Variants in ACADM observed in about 807,000 individuals in gnomAD.
ACADM encodes the protein acyl-CoA dehydrogenase medium chain, also known as medium-chain specific acyl-CoA dehydrogenase, mitochondrial.
A neutral mutation model predicts 58.9 loss-of-function variants in ACADM; 49 were observed. The ratio of observed to expected loss-of-function variants is 0.83; its 90% CI spans 0.66 to 1.06. The LOEUF (loss-of-function observed/expected upper bound fraction) is 1.06, where lower values mean the gene tolerates loss of function less well. Ranked by LOEUF, ACADM falls within the 50% of genes least tolerant of loss-of-function variation. ACADM has a pLI of 0.00. For missense variants in ACADM, 496 were observed against 507.0 expected, an observed-to-expected ratio of 0.98 and a Z score of 0.21; for synonymous variants, 160 against 157.7, an observed-to-expected ratio of 1.01 and a Z score of -0.11.
rs1209972174 is a variant in ACADM, at chr1:75,737,279, A to AATT, written c.468+2410_468+2411insTAT. Among the ~76,000 whole-genome samples the AATT allele has an allele frequency of 4.2e-3, 181 of 43,126 alleles. 14 individuals are homozygous for AATT. The highest frequency in any genetic ancestry group is 0.017 in the African/African-American group (178 of 10,298). 28.3% of individuals were successfully genotyped at this position (43,126 alleles called of 152,430 possible). ...GAGACTGCCACCACACACACACACAAATATATATATATATATATATATATA... is the reference window on the plus strand; with the variant it reads ...GAGACTGCCACCACACACACACACAAATTATATATATATATATATATATATATA... On this transcript the variant is annotated intron_variant, in intron 6 of 11. Transcript: ENST00000370841.
At chr1:75,736,205 C>CACACACACACACACAT (rs60634435) in intron 6 of ACADM, among the ~76,000 whole-genome samples, 1 of 150,932 alleles carries the variant, frequency 6.6e-6, no homozygotes, top group African/African-American at 2.4e-5. Context: ...CACACACACA[C>CACACACACACACACAT]GCTCTATTCT....
intron 6 of ACADM, among the ~76,000 whole-genome samples, chr1:75,738,702 C>T (rs1294880645): frequency 3.9e-5 from 6 of 152,086 alleles, no homozygotes; most frequent in Non-Finnish European, 8.8e-5. Context: ...ATCTCAGCCT[C>T]ACAAAATGCT....
At chr1:75,741,328 A>G (rs1157865261) in intron 7 of ACADM, among the ~76,000 whole-genome samples, 2 of 152,246 alleles carry the variant, frequency 1.3e-5, no homozygotes, top group Non-Finnish European at 2.9e-5. Context: ...CATCCTAAAT[A>G]TATTCAGTAT....
Position 75,750,460 on chromosome 1 carries a change from G to C in ACADM, c.859G>C (p.Gly287Arg). The C allele has an allele frequency of 6.2e-7, 1 of 1,610,856 alleles. No individual in the cohort carries two copies. The highest frequency in any genetic ancestry group is 8.5e-7 in the Non-Finnish European group (1 of 1,179,004). ...TATCTTAAAATACTAGGTAGCTGCT[G>C]GTGCTGTTGGATTAGCACAAAGAGC... is the stretch of plus-strand genomic sequence containing the variant. ...FDKTRPVVAAGAVGLAQRALD... is the reference protein window; with the variant it reads ...FDKTRPVVAARAVGLAQRALD... Residue 287 changes from glycine to arginine, a missense_variant, in exon 10 of 12, where the codon GGT becomes CGT. Physicochemically the swap from Gly to Arg is moderately radical, Grantham distance 125. Transcript: ENST00000370841.
chr1:75,760,514 C>T (rs1255250112), intron 10 of ACADM, among the ~76,000 whole-genome samples: 1 of 103,802 alleles, frequency 9.6e-6, no homozygotes, highest in Non-Finnish European at 1.9e-5. Context: ...CATTGCATTC[C>T]AGCCTGGAAA....
intron 9 of ACADM, among the ~76,000 whole-genome samples, chr1:75,750,045 T>C (rs1051393516): frequency 2.0e-5 from 3 of 152,162 alleles, no homozygotes; most frequent in African/African-American, 4.8e-5. Flanking sequence ...TAAATAATTC[T>C]TCAAGTTTTC....
chr1:75,750,969 G>A (rs964771151), intron 10 of ACADM: 9 of 265,530 alleles, frequency 3.4e-5, no homozygotes, highest in Non-Finnish European at 6.6e-5. Flanking sequence ...GGCTGGTCTC[G>A]ATCTGCCCGC....
chr1:75,738,456 A>C (rs1265423423), intron 6 of ACADM, among the ~76,000 whole-genome samples: 1 of 151,804 alleles, frequency 6.6e-6, no homozygotes, highest in Non-Finnish European at 1.5e-5. Context: ...TCCTAACCTC[A>C]GGTGACCCAC....
chr1:75,736,471 A>G (rs1054478159), intron 6 of ACADM, among the ~76,000 whole-genome samples: 1 of 152,140 alleles, frequency 6.6e-6, no homozygotes, highest in Non-Finnish European at 1.5e-5. Context: ...AACAATTGAG[A>G]GGTTAGCTAA....
At chr1:75,736,173 T>TACACACACACAC (rs10647103) in intron 6 of ACADM, among the ~76,000 whole-genome samples, 2,132 of 144,524 alleles carry the variant, frequency 0.015, 81 homozygotes, top group African/African-American at 0.051. Context: ...CACACAGACA[T>TACACACACACAC]ACACACACAC....
intron 7 of ACADM, chr1:75,744,527 CTG>C: frequency 1.3e-6 from 2 of 1,509,746 alleles, no homozygotes; most frequent in Admixed American, 1.7e-5. Flanking sequence ...ACATCTCCCT[CTG>C]TGACAGGTTC....
At chr1:75,750,668 GT>G (rs1252489836) in intron 10 of ACADM, 122 bp downstream of exon 10, 8 of 759,250 alleles carry the variant, frequency 1.1e-5, no homozygotes, top group African/African-American at 1.7e-5. Context: ...AGATAATGTG[GT>G]TTTATCAAGA....
chr1:75,729,295 C>CTTTTTTTTTTTT (rs35372302), intron 2 of ACADM, among the ~76,000 whole-genome samples: 20 of 85,286 alleles, frequency 2.3e-4, no homozygotes, highest in East Asian at 6.5e-4. Flanking sequence ...TTTCTTTTTT[C>CTTTTTTTTTTTT]TTTTTTTTTT....
intron 9 of ACADM, 48 bp downstream of exon 9, chr1:75,749,607 A>T (rs1347060821): frequency 6.6e-7 from 1 of 1,511,118 alleles, no homozygotes; most frequent in Non-Finnish European, 9.1e-7. Context: ...TATTTATTAC[A>T]TTAAATAAGT....
chr1:75,762,441 A>C (rs992805575), intron 11 of ACADM, among the ~76,000 whole-genome samples: 2 of 152,078 alleles, frequency 1.3e-5, no homozygotes, highest in African/African-American at 2.4e-5. Flanking sequence ...TTCTTTTTTT[A>C]TATTTTGAAG....
At chr1:75,745,994 A>C in intron 8 of ACADM, 80 bp downstream of exon 8, 5 of 991,210 alleles carry the variant, frequency 5.0e-6, no homozygotes, top group Non-Finnish European at 7.8e-6. Context: ...TCCTTTAATA[A>C]AAACATTTGT....
intron 10 of ACADM, chr1:75,754,921 CT>C: frequency 6.6e-6 from 1 of 152,582 alleles, no homozygotes; most frequent in South Asian, 2.1e-4. Flanking sequence ...TAATACTGCG[CT>C]TTTCCAACAG....
intron 10 of ACADM, among the ~76,000 whole-genome samples, chr1:75,760,626 C>T (rs1232122228): frequency 8.4e-6 from 1 of 119,280 alleles, no homozygotes; most frequent in Non-Finnish European, 1.7e-5. Context: ...AATAACCAAT[C>T]AACATTCTTC....
intron 10 of ACADM, among the ~76,000 whole-genome samples, chr1:75,756,163 G>T (rs988559885): frequency 1.3e-5 from 2 of 152,180 alleles, no homozygotes; most frequent in Admixed American, 6.5e-5. Context: ...ACAAGACAGG[G>T]ATACCTTCTC....
Sources: gnomAD v4.1 joint callset for allele counts (sites outside exome capture counted in the v4.1 genomes callset) on GRCh38, gnomAD v4.1.1 for gene constraint, MANE v1.5 for transcripts, NCBI Gene and HGNC (gene_info 2026-07-23, HGNC 2026-07-21) for gene names.